PLEKHA6: variants seen among roughly 807,000 people sequenced by gnomAD.
PLEKHA6 encodes pleckstrin homology domain containing A6.
PLEKHA6 carries 60 observed loss-of-function variants against 116.7 expected under a neutral mutation model. The ratio of observed to expected loss-of-function variants is 0.51; its 90% confidence interval spans 0.42 to 0.64. The LOEUF (loss-of-function observed/expected upper bound fraction) is 0.64, where lower values mean the gene tolerates loss of function less well. PLEKHA6 is among the 30% of genes least tolerant of loss of function. PLEKHA6 has a pLI of 0.00. For synonymous variants in PLEKHA6, 489 were observed against 556.1 expected, an observed-to-expected ratio of 0.88 and a Z score of 1.70; for missense variants, 1,338 against 1,422.7, an observed-to-expected ratio of 0.94 and a Z score of 0.96.
At chr1:204,292,387 G>T (rs956441906) in intron 1 of PLEKHA6, among the ~76,000 whole-genome samples, 4 of 152,134 alleles carry the variant, frequency 2.6e-5, no homozygotes, top group Non-Finnish European at 5.9e-5. Context: ...CTAACCTCGG[G>T]GTCTGTTAAC....
chr1:204,310,079 C>T (rs758676028), intron 1 of PLEKHA6, among the ~76,000 whole-genome samples: 4 of 151,676 alleles, frequency 2.6e-5, no homozygotes, highest in Non-Finnish European at 2.9e-5. Flanking sequence ...TTAAGGGTCA[C>T]GCAAAATTAG....
intron 17 of PLEKHA6, among the ~76,000 whole-genome samples, chr1:204,239,101 A>T (rs775757492): frequency 1.1e-4 from 17 of 152,252 alleles, no homozygotes; most frequent in Non-Finnish European, 1.9e-4. Flanking sequence ...GTGAGTGCTC[A>T]TCAAAGGGTG....
intron 1 of PLEKHA6, among the ~76,000 whole-genome samples, chr1:204,354,022 A>G (rs1002288443): frequency 6.6e-6 from 1 of 152,208 alleles, no homozygotes; most frequent in African/African-American, 2.4e-5. Flanking sequence ...TGACCGCACC[A>G]CCTGAGGCTA....
At chr1:204,258,007 G>T in intron 8 of PLEKHA6, 138 bp from the exon 9 acceptor site, 1 of 727,630 alleles carries the variant, frequency 1.4e-6, no homozygotes, top group Non-Finnish European at 2.2e-6. Flanking sequence ...TTCCAGAGAT[G>T]AGGGAAAGAC....
At chr1:204,330,292 C>T (rs1447992043) in intron 1 of PLEKHA6, among the ~76,000 whole-genome samples, 1 of 152,192 alleles carries the variant, frequency 6.6e-6, no homozygotes, top group African/African-American at 2.4e-5. Context: ...AGCCACTGCA[C>T]TCAGCTGGAA....
intron 18 of PLEKHA6, 89 bp downstream of exon 18, chr1:204,230,324 C>A (rs1472128221): frequency 2.2e-5 from 24 of 1,089,242 alleles, no homozygotes; most frequent in Admixed American, 3.4e-5. Context: ...TCCTCTCAAA[C>A]CCCCCAGGCC....
intron 3 of PLEKHA6, among the ~76,000 whole-genome samples, chr1:204,270,827 T>C (rs1667371201): frequency 6.6e-6 from 1 of 152,234 alleles, no homozygotes; most frequent in African/African-American, 2.4e-5. Context: ...TCACCCACCT[T>C]CTGCCCCTTC....
chr1:204,316,534 A>G (rs1449689434), intron 1 of PLEKHA6, among the ~76,000 whole-genome samples: 1 of 152,206 alleles, frequency 6.6e-6, no homozygotes, highest in Non-Finnish European at 1.5e-5. Flanking sequence ...GAGCTGGCAG[A>G]GCCTCCGGAG....
At chr1:204,337,285 G>A (rs1044428870) in intron 1 of PLEKHA6, among the ~76,000 whole-genome samples, 3 of 152,188 alleles carry the variant, frequency 2.0e-5, no homozygotes, top group Admixed American at 1.3e-4. Context: ...AGAGAATGAG[G>A]AGACCAGAGC....
At chr1:204,332,138 C>A (rs576827680) in intron 1 of PLEKHA6, among the ~76,000 whole-genome samples, 2 of 152,296 alleles carry the variant, frequency 1.3e-5, no homozygotes, top group East Asian at 3.9e-4. Flanking sequence ...CCTGCCCTAG[C>A]TCACCCTTTG....
Position 204,223,412 on chromosome 1 carries a change from G to A in PLEKHA6, c.*8+50C>T, listed in dbSNP as rs1296538909. The A allele has an allele frequency of 4.0e-6, 4 of 988,766 alleles. No individual in the cohort carries two copies. The highest frequency in any genetic ancestry group is 6.3e-6 in the Non-Finnish European group (4 of 632,652). 61.2% of individuals were successfully genotyped at this position (988,766 alleles called of 1,614,324 possible). On this transcript the variant is annotated intron_variant, in intron 22 of 22. Transcript: ENST00000272203. This position sits in a 1 kb window ranked among gnomAD's most constrained non-coding sequence, Gnocchi z 4.8. ...CATAGATGGCTCAATGGGGGTGAAG[G>A]AAGGGGCCCCACTCCCGAGGTGGAT... is the stretch of plus-strand genomic sequence containing the variant.
chr1:204,300,102 T>C (rs1218266374), intron 1 of PLEKHA6, among the ~76,000 whole-genome samples: 3 of 152,194 alleles, frequency 2.0e-5, no homozygotes, highest in Non-Finnish European at 4.4e-5. Flanking sequence ...CAGACCAGGG[T>C]CCATCTTTCC....
At chr1:204,321,045 G>A (rs1672044726) in intron 1 of PLEKHA6, among the ~76,000 whole-genome samples, 1 of 152,094 alleles carries the variant, frequency 6.6e-6, no homozygotes, top group Non-Finnish European at 1.5e-5. Flanking sequence ...AATCACACTA[G>A]GCTCTTTAAA....
At chr1:204,348,282 C>T (rs1168752023) in intron 1 of PLEKHA6, among the ~76,000 whole-genome samples, 1 of 152,202 alleles carries the variant, frequency 6.6e-6, no homozygotes, top group Non-Finnish European at 1.5e-5. Context: ...CTCCTCAAGC[C>T]ACGGGCCCTA....
At chr1:204,301,778 G>T (rs1263406669) in intron 1 of PLEKHA6, among the ~76,000 whole-genome samples, 1 of 152,188 alleles carries the variant, frequency 6.6e-6, no homozygotes, top group Non-Finnish European at 1.5e-5. Context: ...ATGGCCTCAG[G>T]AGGCTTTTAA....
intron 2 of PLEKHA6, among the ~76,000 whole-genome samples, chr1:204,274,024 C>T (rs975588812): frequency 5.0e-4 from 76 of 152,258 alleles, no homozygotes; most frequent in African/African-American, 1.8e-3. Flanking sequence ...GCCTTGAATG[C>T]CTAGGCTCAA....
rs1558015802 is a variant in PLEKHA6, at chr1:204,228,436, A to G, written c.2886-208T>C. On this transcript the variant is annotated intron_variant, in intron 20 of 22. Transcript: ENST00000272203. This position sits in a 1 kb window ranked among gnomAD's most constrained non-coding sequence, Gnocchi z 4.0. ...ACCTTCAATGTTCTCAAATGAATTA[A>G]AAGGTTCAAGTGAGCATTTAGGGCA... Among the ~76,000 whole-genome samples the G allele has an allele frequency of 6.6e-6, 1 of 152,100 alleles. No homozygotes were observed. Among genetic ancestry groups the G allele is most frequent in the Non-Finnish European group, 1.5e-5 (1 of 68,014 alleles).
chr1:204,232,596 C>A (rs1661348437), intron 17 of PLEKHA6, among the ~76,000 whole-genome samples: 1 of 152,134 alleles, frequency 6.6e-6, no homozygotes, highest in Non-Finnish European at 1.5e-5. Flanking sequence ...ACAGAAAGGA[C>A]AGAGATAAGA....
At chr1:204,324,365 T>C (rs75367286) in intron 1 of PLEKHA6, among the ~76,000 whole-genome samples, 11 of 152,220 alleles carry the variant, frequency 7.2e-5, no homozygotes, top group African/African-American at 2.6e-4. Context: ...CTGAAAAGAT[T>C]TATAAATAGG....
Sources: allele counts gnomAD v4.1 joint callset (sites outside exome capture counted in the v4.1 genomes callset), GRCh38; gene constraint gnomAD v4.1.1; non-coding constraint Gnocchi (gnomAD v3.1); transcripts MANE v1.5; gene names NCBI Gene and HGNC (gene_info 2026-07-23, HGNC 2026-07-21).